CLEC16A: variants seen among roughly 807,000 people sequenced by gnomAD.
CLEC16A encodes the protein protein CLEC16A.
A neutral mutation model predicts 109.5 loss-of-function variants in CLEC16A; 51 were observed. That is an observed-to-expected ratio of 0.47 (90% CI 0.37 to 0.59). The LOEUF (loss-of-function observed/expected upper bound fraction) is 0.59. Ranked by LOEUF, CLEC16A falls within the 20% of genes least tolerant of loss-of-function variation. The pLI, the probability that CLEC16A is intolerant of heterozygous loss-of-function variation, is 0.00. For missense variants in CLEC16A, 1,339 were observed against 1,394.0 expected (o/e 0.96, Z 0.63); for synonymous variants, 673 against 564.2 (o/e 1.19, Z -2.73).
chr16:11,086,413 T>C (rs1048500705), intron 19 of CLEC16A, among the ~76,000 whole-genome samples: 16 of 152,270 alleles, frequency 1.1e-4, no homozygotes, highest in African/African-American at 3.4e-4. Flanking sequence ...ATGCGATCCA[T>C]GTTGTTTTAA....
chr16:10,993,250 G>T (rs116321535), intron 10 of CLEC16A, among the ~76,000 whole-genome samples: 36 of 152,208 alleles, frequency 2.4e-4, no homozygotes, highest in African/African-American at 7.2e-4. Context: ...GTGATGATGC[G>T]TACCTGTGAT....
Position 11,178,710 on chromosome 16 carries a change from T to A in CLEC16A, c.*20T>A. ...GACTGAGTCAGTGCCGGGGCCTCCC[T>A]TTGTGTGTGTGGCCCCGCTGGTAGG... On this transcript the variant is annotated 3_prime_UTR_variant, in exon 24 of 24. Coordinates refer to ENST00000409790, the MANE Select transcript of CLEC16A (RefSeq NM_015226.3). The surrounding 1 kb of genome is among the most constrained non-coding windows in gnomAD (Gnocchi z 6.5). 6.9e-7 allele frequency: 1 copy of A among 1,442,466 alleles called. No homozygotes were observed. Among genetic ancestry groups the A allele is most frequent in the Non-Finnish European group, 9.1e-7 (1 of 1,095,364 alleles). 89.4% of individuals were successfully genotyped at this position (1,442,466 alleles called of 1,614,324 possible).
At chr16:11,128,629 C>G (rs2052991469) in intron 22 of CLEC16A, among the ~76,000 whole-genome samples, 1 of 152,350 alleles carries the variant, frequency 6.6e-6, no homozygotes, top group Non-Finnish European at 1.5e-5. Context: ...CCCACCTTGG[C>G]TTGGCACCAG....
chr16:11,112,495 C>CAAAAAAAAAAAAA (rs984574100), intron 19 of CLEC16A, among the ~76,000 whole-genome samples: 1 of 85,596 alleles, frequency 1.2e-5, no homozygotes. Context: ...CCTATCTCTA[C>CAAAAAAAAAAAAA]AAAAAAAAAA....
chr16:10,951,993 T>C (rs906103513), intron 1 of CLEC16A, among the ~76,000 whole-genome samples: 1 of 152,194 alleles, frequency 6.6e-6, no homozygotes, highest in Admixed American at 6.5e-5. Flanking sequence ...TTGTTTTAGC[T>C]GAGGTGGGAA....
chr16:11,021,696 G>T (rs893998619), intron 12 of CLEC16A, among the ~76,000 whole-genome samples: 4 of 152,160 alleles, frequency 2.6e-5, no homozygotes, highest in African/African-American at 9.7e-5. Context: ...TACTTGAGAG[G>T]CTGAGGTGGG....
intron 10 of CLEC16A, among the ~76,000 whole-genome samples, chr16:10,991,940 G>A (rs1488557547): frequency 6.6e-6 from 1 of 152,200 alleles, no homozygotes; most frequent in African/African-American, 2.4e-5. Context: ...CATGCCTGAG[G>A]GCAGTGCAGC....
intron 10 of CLEC16A, 82 bp from the exon 11 acceptor site, chr16:11,002,992 C>A (rs2044758490): frequency 1.8e-6 from 2 of 1,117,200 alleles, no homozygotes; most frequent in East Asian, 2.6e-5. Flanking sequence ...TTTCTTAGGA[C>A]AGAAACTTTT....
intron 1 of CLEC16A, 143 bp downstream of exon 1, chr16:10,944,940 C>T: frequency 1.3e-6 from 1 of 764,930 alleles, no homozygotes; most frequent in Non-Finnish European, 2.1e-6. Context: ...AGCGAGGGCT[C>T]GGGAGTCAGG....
intron 11 of CLEC16A, among the ~76,000 whole-genome samples, chr16:11,014,509 C>A (rs745469225): frequency 6.6e-6 from 1 of 152,132 alleles, no homozygotes; most frequent in African/African-American, 2.4e-5. Context: ...TTAAACTTTC[C>A]TTTTAAGCTG....
intron 3 of CLEC16A, 139 bp downstream of exon 3, chr16:10,962,727 A>C: frequency 1.1e-6 from 1 of 942,676 alleles, no homozygotes; most frequent in Non-Finnish European, 1.6e-6. Flanking sequence ...AGTGGGTTAA[A>C]CAATAGAGAT....
intron 19 of CLEC16A, among the ~76,000 whole-genome samples, chr16:11,079,749 G>C (rs920754094): frequency 6.6e-6 from 1 of 152,172 alleles, no homozygotes; most frequent in Non-Finnish European, 1.5e-5. Flanking sequence ...GCCTTTAACT[G>C]GTTTCTCATA....
intron 19 of CLEC16A, among the ~76,000 whole-genome samples, chr16:11,103,237 C>T (rs973330719): frequency 2.0e-5 from 3 of 152,222 alleles, no homozygotes; most frequent in African/African-American, 4.8e-5. Flanking sequence ...TGGCGCTGCT[C>T]TCCACCTCTG....
chr16:10,978,276 C>G (rs1438798612), intron 8 of CLEC16A, among the ~76,000 whole-genome samples: 1 of 152,166 alleles, frequency 6.6e-6, no homozygotes, highest in Non-Finnish European at 1.5e-5. Context: ...TCTCAGGGCC[C>G]CCCTGTGAGG....
At chr16:11,166,829 G>A (rs2068285707) in intron 23 of CLEC16A, among the ~76,000 whole-genome samples, 1 of 152,202 alleles carries the variant, frequency 6.6e-6, no homozygotes, top group Non-Finnish European at 1.5e-5. Flanking sequence ...CAGGCGGGCT[G>A]CACCTAAACC....
intron 22 of CLEC16A, among the ~76,000 whole-genome samples, chr16:11,147,376 T>C (rs1004685986): frequency 6.6e-6 from 1 of 152,174 alleles, no homozygotes; most frequent in African/African-American, 2.4e-5. Context: ...CTGTAATGAA[T>C]TCTTTGGAAA....
chr16:10,968,572 G>C (rs2042626753), intron 3 of CLEC16A, among the ~76,000 whole-genome samples: 2 of 152,212 alleles, frequency 1.3e-5, no homozygotes, highest in Non-Finnish European at 2.9e-5. Flanking sequence ...GCACGGGTAA[G>C]TTAACATCTC....
At chr16:11,135,393 C>A (rs993567894) in intron 22 of CLEC16A, among the ~76,000 whole-genome samples, 2 of 152,222 alleles carry the variant, frequency 1.3e-5, no homozygotes, top group African/African-American at 4.8e-5. Context: ...AACATGCCCC[C>A]CAAAGACACT....
chr16:11,005,757 G>A (rs1009931476), intron 11 of CLEC16A, among the ~76,000 whole-genome samples: 1 of 152,190 alleles, frequency 6.6e-6, no homozygotes, highest in Non-Finnish European at 1.5e-5. Flanking sequence ...CTGTGAGTCG[G>A]AAGGGTGTCA....
Sources: gnomAD v4.1 joint callset for allele counts (sites outside exome capture counted in the v4.1 genomes callset) on GRCh38, gnomAD v4.1.1 for gene constraint, Gnocchi (gnomAD v3.1) non-coding constraint, MANE v1.5 for transcripts, NCBI Gene and HGNC (gene_info 2026-07-23, HGNC 2026-07-21) for gene names.